PRPF6: variants seen among roughly 807,000 people sequenced by gnomAD.
PRPF6 encodes pre-mRNA processing factor 6, also known as pre-mRNA-processing factor 6.
Under a neutral mutation model 118.3 loss-of-function variants are expected in PRPF6, and 42 were observed. The observed-to-expected ratio is 0.35, with a 90% CI of 0.28 to 0.46. The LOEUF is 0.46. Among genes scored for constraint, PRPF6 ranks in the 20% least tolerant of loss-of-function variants. The pLI, the probability that PRPF6 is intolerant of heterozygous loss-of-function variation, is 1.00. For synonymous variants in PRPF6, 481 were observed against 485.1 expected (o/e 0.99, Z 0.11); for missense variants, 662 against 1,255.7 (o/e 0.53, Z 7.15).
chr20:64,021,944 CGTGTGTGTGT>C (rs199733742), intron 12 of PRPF6, among the ~76,000 whole-genome samples: 1 of 62,598 alleles, frequency 1.6e-5, no homozygotes, highest in African/African-American at 6.4e-5. Context: ...CGTGTGTGTG[CGTGTGTGTGT>C]GTGTGCACGT....
In PRPF6 at chr20:64,028,229, G is replaced by A. The variant is rs1601533594; in HGVS notation, c.2340-249G>A. ...TCCCAGTCTGGTCTTGTTTGTTCTG[G>A]ATGCCTTCACCTGCATCTGGACAGC... On this transcript the variant is annotated intron_variant, in intron 17 of 20. Coordinates refer to ENST00000266079, the MANE Select transcript of PRPF6 (RefSeq NM_012469.4). This position sits in a 1 kb window ranked among gnomAD's most constrained non-coding sequence, Gnocchi z 6.5. 6.6e-6 allele frequency among the ~76,000 whole-genome samples: 1 copy of A among 152,346 alleles called. No homozygotes were observed. Among genetic ancestry groups the A allele is most frequent in the Non-Finnish European group, 1.5e-5 (1 of 68,032 alleles).
intron 19 of PRPF6, 52 bp from the exon 20 acceptor site, chr20:64,031,866 A>G: frequency 1.9e-6 from 3 of 1,613,478 alleles, no homozygotes; most frequent in Non-Finnish European, 2.5e-6. Context: ...CCTGCCCCAG[A>G]ATACCGTCCT....
At chr20:64,016,196 A>G (rs896952972) in intron 11 of PRPF6, among the ~76,000 whole-genome samples, 1 of 149,874 alleles carries the variant, frequency 6.7e-6, no homozygotes, top group Admixed American at 6.7e-5. Flanking sequence ...ATCTTGGCTT[A>G]CTGCAACCTC....
chr20:63,984,648 G>A (rs2059085763), intron 2 of PRPF6, among the ~76,000 whole-genome samples: 1 of 152,118 alleles, frequency 6.6e-6, no homozygotes, highest in Admixed American at 6.6e-5. Context: ...TCCGCTTTCT[G>A]GCTTAGGCTT....
chr20:64,023,444 C>T (rs998267284), intron 13 of PRPF6, among the ~76,000 whole-genome samples: 4 of 152,210 alleles, frequency 2.6e-5, no homozygotes, highest in African/African-American at 7.2e-5. Flanking sequence ...GCATTGGGCT[C>T]GTGTCCCCAC....
intron 6 of PRPF6, among the ~76,000 whole-genome samples, chr20:63,996,919 A>G (rs1163191528): frequency 1.3e-5 from 2 of 152,162 alleles, no homozygotes; most frequent in African/African-American, 2.4e-5. Context: ...ACGGAGTGAG[A>G]CTGTCTCAAT....
intron 3 of PRPF6, among the ~76,000 whole-genome samples, chr20:63,989,599 T>A (rs550565439): frequency 1.3e-5 from 2 of 152,260 alleles, no homozygotes; most frequent in African/African-American, 4.8e-5. Flanking sequence ...CACTGCAACC[T>A]CTGCCTCCCG....
rs752801086 is a variant in PRPF6, at chr20:63,983,229, G to A, written c.240+14G>A. ...AATTACGATGAGGTGAGATGTGTCC[G>A]GCTTTCGTGGCTCCTCCAGCCAGTC... On this transcript the variant is annotated intron_variant, in intron 2 of 20. Coordinates refer to ENST00000266079, the MANE Select transcript of PRPF6 (RefSeq NM_012469.4). 2.3e-5 allele frequency: 37 copies of A among 1,614,000 alleles called. No individual in the cohort carries two copies. Among genetic ancestry groups the A allele is most frequent in the South Asian group, 1.6e-4 (15 of 91,084 alleles).
chr20:64,020,827 C>T (rs1453776091), intron 12 of PRPF6, among the ~76,000 whole-genome samples: 3 of 148,882 alleles, frequency 2.0e-5, no homozygotes, highest in Non-Finnish European at 4.4e-5. Context: ...CTCTCTGTCG[C>T]CCAGGCTGGA....
At position 63,993,391 on chromosome 20, in the gene PRPF6, A is replaced by G. The variant is rs780939401; in HGVS notation, c.360-16A>G. 4 of 1,597,582 alleles carry G rather than the reference A, an allele frequency of 2.5e-6. No individual in the cohort carries two copies. The highest frequency in any genetic ancestry group is 2.2e-5 in the South Asian group (2 of 90,762). The stretch of plus-strand genomic sequence containing the variant: ...GACATGCAGTGTTTCTGATGTGTGC[A>G]TGTTTTATTTCCTAGGGAGCAAAGG... On this transcript the variant is annotated splice_polypyrimidine_tract_variant and intron_variant, in intron 3 of 20. Coordinates refer to ENST00000266079, the MANE Select transcript of PRPF6 (RefSeq NM_012469.4).
chr20:64,020,365 G>A (rs2059257173), intron 12 of PRPF6, among the ~76,000 whole-genome samples: 2 of 152,134 alleles, frequency 1.3e-5, no homozygotes, highest in Non-Finnish European at 2.9e-5. Context: ...TCAGGGAGCT[G>A]AGATCGCGCC....
In PRPF6 at chr20:64,026,888, C is replaced by CTTTTGTAACACTGTGTTACAAA; in HGVS notation, c.2029-94_2029-93insTTTTGTAACACTGTGTTACAAA. On this transcript the variant is annotated intron_variant, in intron 15 of 20. Coordinates refer to ENST00000266079, the MANE Select transcript of PRPF6 (RefSeq NM_012469.4). The surrounding 1 kb of genome is among the most constrained non-coding windows in gnomAD (Gnocchi z 4.4). ...TATGAAAAGCTTACAAAAGTACACA[C>CTTTTGTAACACTGTGTTACAAA]AGTACTGCAGGTAACAGTGTTGAGG... 7.7e-7 allele frequency: 1 copy of CTTTTGTAACACTGTGTTACAAA among 1,290,660 alleles called. No individual in the cohort carries two copies. Among genetic ancestry groups the CTTTTGTAACACTGTGTTACAAA allele is most frequent in the South Asian group, 1.2e-5 (1 of 83,328 alleles). 80.0% of individuals were successfully genotyped at this position (1,290,660 alleles called of 1,614,324 possible). A position where few individuals can be genotyped will look rare whatever the true frequency, so the allele number is the denominator to read the frequency against.
chr20:63,995,174 A>C, intron 5 of PRPF6, 82 bp downstream of exon 5: 2 of 1,601,512 alleles, frequency 1.2e-6, no homozygotes, highest in Middle Eastern at 1.7e-4. Flanking sequence ...GTTGGATTCA[A>C]TGCTTCTGCA....
chr20:63,984,290 A>T (rs968507281), intron 2 of PRPF6, among the ~76,000 whole-genome samples: 4 of 152,040 alleles, frequency 2.6e-5, no homozygotes, highest in African/African-American at 9.7e-5. Context: ...GCATGGTGGC[A>T]TGTGCCTGTA....
chr20:63,985,156 G>A (rs1361384423), intron 3 of PRPF6, 131 bp downstream of exon 3: 1 of 707,966 alleles, frequency 1.4e-6, no homozygotes, highest in Non-Finnish European at 2.5e-6. Flanking sequence ...TAGAGCCCAG[G>A]GGTTTGAGAC....
intron 9 of PRPF6, 39 bp from the exon 10 acceptor site, chr20:64,010,161 C>T: frequency 6.4e-7 from 1 of 1,556,554 alleles, no homozygotes; most frequent in Admixed American, 1.7e-5. Flanking sequence ...GTTTTTATCT[C>T]CTTTTCTGTG....
At chr20:64,012,891 A>T (rs1448913144) in intron 11 of PRPF6, among the ~76,000 whole-genome samples, 1 of 150,230 alleles carries the variant, frequency 6.7e-6, no homozygotes, top group Non-Finnish European at 1.5e-5. Flanking sequence ...AGTAGAAATG[A>T]TACACCTACG....
At position 64,027,748 on chromosome 20, in the gene PRPF6, AG is replaced by A; in HGVS notation, c.2339+17del. On this transcript the variant is annotated intron_variant, in intron 17 of 20. Coordinates refer to ENST00000266079, the MANE Select transcript of PRPF6 (RefSeq NM_012469.4). This position sits in a 1 kb window ranked among gnomAD's most constrained non-coding sequence, Gnocchi z 6.5. ...AACCCTGGGCTGTGGTGAGTCCTGGAGGGGGCAGCCTGGCCTCTGGGCACAG... is the reference window on the plus strand; with the variant it reads ...AACCCTGGGCTGTGGTGAGTCCTGGAGGGGCAGCCTGGCCTCTGGGCACAG... 1 of 1,613,494 alleles carries A rather than the reference AG, an allele frequency of 6.2e-7. No homozygotes were observed. Among genetic ancestry groups the A allele is most frequent in the Admixed American group, 1.7e-5 (1 of 60,010 alleles).
intron 6 of PRPF6, among the ~76,000 whole-genome samples, chr20:63,997,945 A>G (rs146702645): frequency 1.5e-3 from 235 of 152,126 alleles, no homozygotes; most frequent in African/African-American, 5.3e-3. Flanking sequence ...TCGCTCATCT[A>G]TGTAGACCGC....
Sources: allele counts gnomAD v4.1 joint callset (sites outside exome capture counted in the v4.1 genomes callset), GRCh38; gene constraint gnomAD v4.1.1; non-coding constraint Gnocchi (gnomAD v3.1); transcripts MANE v1.5; gene names NCBI Gene and HGNC (gene_info 2026-07-23, HGNC 2026-07-21).